The following IGFN1 variants were observed in gnomAD, a reference collection of about 807,000 sequenced individuals.
The protein encoded by IGFN1 is immunoglobulin-like and fibronectin type III domain-containing protein 1.
A neutral mutation model predicts 289.5 loss-of-function variants in IGFN1; 253 were observed. That is an observed-to-expected ratio of 0.87 (90% CI 0.79 to 0.97). The LOEUF is 0.97. IGFN1 is among the 50% of genes least tolerant of loss of function. IGFN1 has a pLI of 0.00. For synonymous variants in IGFN1, 1,706 were observed against 1,788.5 expected, an observed-to-expected ratio of 0.95 and a Z score of 1.16; for missense variants, 4,470 against 4,686.1, an observed-to-expected ratio of 0.95 and a Z score of 1.35.
Position 201,221,646 on chromosome 1 carries a change from G to A in IGFN1, c.10101G>A (p.Arg3367=), listed in dbSNP as rs145906767. ...CCACCTACACGGCCAAGGGGCTTCGGCCTGGAGAGGGCTACTTCGTGCGGG... is the reference window on the plus strand; with the variant it reads ...CCACCTACACGGCCAAGGGGCTTCGACCTGGAGAGGGCTACTTCGTGCGGG... ...PVTTYTAKGL[R]PGEGYFVRVT... Residue 3367 remains arginine, a synonymous_variant, in exon 19 of 24, where the codon CGG becomes CGA. Transcript: ENST00000335211. 6.0e-4 allele frequency: 975 copies of A among 1,614,102 alleles called. 1 individual carries two copies. Among genetic ancestry groups the A allele is most frequent in the Non-Finnish European group, 6.6e-4 (779 of 1,180,036 alleles).
Position 201,212,430 on chromosome 1 carries a change from G to A in IGFN1, c.7537G>A (p.Asp2513Asn), listed in dbSNP as rs893540051. ...AGACAGAGGGGCTCCCAGGGTGAAG[G>A]ATAGGTCTCCAGACCAAGCAGGGAT... is the stretch of plus-strand genomic sequence containing the variant. ...SRDRGAPRVK[D>N]RSPDQAGIMG... is the part of the protein sequence containing the mutation. The change falls in exon 12 of 24, where the codon GAT becomes AAT. Residue 2513 changes from aspartate (D) to asparagine (N), a missense_variant. By Grantham distance (23) the Asp-to-Asn change is conservative. Coordinates refer to ENST00000335211, the MANE Select transcript of IGFN1 (RefSeq NM_001164586.2). The A allele has an allele frequency of 5.2e-6, 8 of 1,537,186 alleles. No homozygotes were observed. The highest frequency in any genetic ancestry group is 7.0e-6 in the Non-Finnish European group (8 of 1,146,824).
Position 201,228,400 on chromosome 1 carries a change from C to G in IGFN1, c.*1C>G. ...GTGTCTTGCAGAACCCAGCACCTAGCCTCACCTCACCCTGGGATGGTCCTG... is the reference window on the plus strand; with the variant it reads ...GTGTCTTGCAGAACCCAGCACCTAGGCTCACCTCACCCTGGGATGGTCCTG... On this transcript the variant is annotated 3_prime_UTR_variant, in exon 24 of 24. Transcript: ENST00000335211. 2 of 1,613,960 alleles carry G rather than the reference C, an allele frequency of 1.2e-6. No individual in the cohort carries two copies. The highest frequency in any genetic ancestry group is 2.2e-5 in the South Asian group (2 of 91,088).
chr1:201,224,728 C>T lies in IGFN1; in HGVS notation c.10340C>T (p.Pro3447Leu), dbSNP rs773747563. Residue 3447 changes from proline to leucine, a missense_variant, in exon 21 of 24, where the codon CCC becomes CTC. Physicochemically the swap from Pro to Leu is moderately conservative, Grantham distance 98 (BLOSUM62 -3). Transcript: ENST00000335211. ...VTWLKDGLPL[P>L]KRSVTVTKDG... The stretch of plus-strand genomic sequence containing the variant: ...TGGCTGAAGGATGGCTTGCCCTTGC[C>T]CAAAAGAAGTGTGACTGTCACTAAG... 2.8e-5 allele frequency: 46 copies of T among 1,614,044 alleles called. No individual in the cohort carries two copies. The highest frequency in any genetic ancestry group is 5.9e-6 in the Non-Finnish European group (7 of 1,180,044).
chr1:201,194,088 T>C, intron 2 of IGFN1, 66 bp from the exon 3 acceptor site: 2 of 1,527,916 alleles, frequency 1.3e-6, no homozygotes, highest in Non-Finnish European at 1.8e-6. Context: ...ATGCCCATTC[T>C]GTTGAAGGGC....
In IGFN1 at chr1:201,200,585, G is replaced by A. The variant is rs559943886; in HGVS notation, c.633+174G>A. ...ATCTGGCTAAGGCCCTGGGATCCCA[G>A]GTTGGTGTCCTGCCTTTGCAACCTG... is the stretch of plus-strand genomic sequence containing the variant. On this transcript the variant is annotated intron_variant, in intron 8 of 23. Transcript: ENST00000335211. Among the ~76,000 whole-genome samples, 111 of 152,290 alleles carry A rather than the reference G, an allele frequency of 7.3e-4. 3 individuals are homozygous for A. The highest frequency in any genetic ancestry group is 2.5e-3 in the African/African-American group (103 of 41,554).
In IGFN1 at chr1:201,206,627, G is replaced by C. The variant is rs1194959639; in HGVS notation, c.1734G>C (p.Lys578Asn). 3.9e-6 allele frequency: 6 copies of C among 1,541,116 alleles called. No homozygotes were observed. In the South Asian group the frequency reaches 7.1e-5, roughly 18 times the overall value. The change falls in exon 12 of 24, where the codon AAG (lysine) becomes AAC (asparagine). Residue 578 changes from lysine to asparagine, a missense_variant. By Grantham distance (94) the Lys-to-Asn change is moderately conservative. Coordinates refer to ENST00000335211, the MANE Select transcript of IGFN1 (RefSeq NM_001164586.2). ...GACTGGGGAGCAGCAGGGAAGGAAAGGAGCACAGAGGGGACAGTGGAAGAC... is the reference window on the plus strand; with the variant it reads ...GACTGGGGAGCAGCAGGGAAGGAAACGAGCACAGAGGGGACAGTGGAAGAC... ...AGGLGSSREG[K>N]EHRGDSGRQL... is the part of the protein sequence containing the mutation.
chr1:201,219,179 G>C (rs1402738186), intron 18 of IGFN1, among the ~76,000 whole-genome samples: 1 of 152,230 alleles, frequency 6.6e-6, no homozygotes, highest in African/African-American at 2.4e-5. Context: ...ACTCACCCTA[G>C]TGTTGCCCAT....
rs1170543036 is a variant in IGFN1 at position 201,209,878 on chromosome 1, G to C, written c.4985G>C (p.Ser1662Thr). 5 of 1,480,378 alleles carry C rather than the reference G, an allele frequency of 3.4e-6. No homozygotes were observed. Among genetic ancestry groups the C allele is most frequent in the Non-Finnish European group, 3.6e-6 (4 of 1,105,824 alleles). The allele number at this position is 1,480,378 out of a possible 1,614,324, so 91.7% of individuals were successfully genotyped here. ...SKAGFRDGLGSSGEMGSMDEA... is the reference protein window; with the variant it reads ...SKAGFRDGLGTSGEMGSMDEA... ...GCAGGTTTTAGGGATGGTTTAGGGA[G>C]TTCTGGGGAAATGGGGTCAATGGAT... is the stretch of plus-strand genomic sequence containing the variant. The change falls in exon 12 of 24, where the codon AGT becomes ACT. Residue 1662 changes from serine (S) to threonine (T), a missense_variant. Transcript: ENST00000335211.
At chr1:201,196,504 C>T (rs889831102) in intron 4 of IGFN1, among the ~76,000 whole-genome samples, 1 of 152,072 alleles carries the variant, frequency 6.6e-6, no homozygotes, top group Non-Finnish European at 1.5e-5. Context: ...GCCATCACGC[C>T]CGACTAATTT....
intron 1 of IGFN1, among the ~76,000 whole-genome samples, chr1:201,192,557 C>T (rs141763251): frequency 6.6e-6 from 1 of 152,324 alleles, no homozygotes; most frequent in African/African-American, 2.4e-5. Context: ...CACTATAATT[C>T]ACTGGCTTCT....
At chr1:201,205,990 G>T in intron 11 of IGFN1, 93 bp from the exon 12 acceptor site, 1 of 924,810 alleles carries the variant, frequency 1.1e-6, no homozygotes, top group Non-Finnish European at 1.7e-6. Flanking sequence ...GGCTCAGGCA[G>T]GTGCTTTGGC....
At chr1:201,196,099 C>G in intron 4 of IGFN1, 121 bp downstream of exon 4, 5 of 967,916 alleles carry the variant, frequency 5.2e-6, no homozygotes, top group Non-Finnish European at 7.3e-6. Context: ...GAGGTTGAAT[C>G]CATTCAACTC....
At chr1:201,216,379 G>T (rs567303385) in intron 15 of IGFN1, 75 bp from the exon 16 acceptor site, 6 of 1,224,742 alleles carry the variant, frequency 4.9e-6, no homozygotes, top group Non-Finnish European at 6.5e-6. Context: ...GTGGCGGGGA[G>T]TTGGGGGGGT....
At position 201,214,970 on chromosome 1, in the gene IGFN1, A is replaced by G. The variant is rs565185099; in HGVS notation, c.8854-43A>G. 11 of 1,596,546 alleles carry G rather than the reference A, an allele frequency of 6.9e-6. No individual in the cohort carries two copies. In the East Asian group the frequency reaches 1.1e-4, roughly 16 times the overall value. ...GGTTAGCTGGCCTGAAGGAACTGGGATGGGAGTGGGGTGACCTTCTCCTGC... is the reference window on the plus strand; with the variant it reads ...GGTTAGCTGGCCTGAAGGAACTGGGGTGGGAGTGGGGTGACCTTCTCCTGC... On this transcript the variant is annotated intron_variant, in intron 13 of 23. Coordinates refer to ENST00000335211, the MANE Select transcript of IGFN1 (RefSeq NM_001164586.2).
rs1456536673 is a variant in IGFN1, at chr1:201,228,526, T to C, written c.*127T>C. Reference sequence around the variant, plus strand: ...CCCCAGGAAAATGGGAGTGAGAAGATGCCTGGCGAGGTTTTGGCCAGGAGG... The same window carrying C: ...CCCCAGGAAAATGGGAGTGAGAAGACGCCTGGCGAGGTTTTGGCCAGGAGG... On this transcript the variant is annotated 3_prime_UTR_variant, in exon 24 of 24. Transcript: ENST00000335211. The C allele has an allele frequency of 1.0e-5, 11 of 1,063,514 alleles. No individual in the cohort carries two copies. Among genetic ancestry groups the C allele is most frequent in the Non-Finnish European group, 1.6e-5 (11 of 683,382 alleles). The allele number at this position is 1,063,514 out of a possible 1,614,324, so 65.9% of individuals were successfully genotyped here.
chr1:201,223,427 G>A (rs1653874772), intron 20 of IGFN1, among the ~76,000 whole-genome samples: 1 of 151,948 alleles, frequency 6.6e-6, no homozygotes. Flanking sequence ...CTGGAGTGCA[G>A]TGGCACGATC....
At position 201,208,106 on chromosome 1, in the gene IGFN1, C is replaced by T; in HGVS notation, c.3213C>T (p.His1071=). ...CAGGCATGGACCCTAGGGGAGGGCA[C>T]CATTCAGATGGTGGCCTAGGGAGTC... ...CQAGMDPRGG[H]HSDGGLGSPG... The change falls in exon 12 of 24, where the codon CAC becomes CAT. Residue 1071 remains histidine (H), a synonymous_variant. Transcript: ENST00000335211. The T allele has an allele frequency of 6.5e-7, 1 of 1,536,856 alleles. No individual in the cohort carries two copies.
At position 201,192,121 on chromosome 1, in the gene IGFN1, C is replaced by A. The variant is rs1034814984; in HGVS notation, c.-47-1126C>A. On this transcript the variant is annotated intron_variant, in intron 1 of 23. Coordinates refer to ENST00000335211, the MANE Select transcript of IGFN1 (RefSeq NM_001164586.2). ...GTGCCTGTGGCACCCGTGACCACTC[C>A]AGAACGCAGTTGGCGTACCATGGCA... is the stretch of plus-strand genomic sequence containing the variant. Among the ~76,000 whole-genome samples the A allele has an allele frequency of 5.3e-5, 8 of 152,324 alleles. No homozygotes were observed. The East Asian group carries it at 1.5e-3, about 29-fold the overall frequency.
In IGFN1 at chr1:201,207,949, T is replaced by G. The variant is rs771286594; in HGVS notation, c.3056T>G (p.Val1019Gly). The change falls in exon 12 of 24, where the codon GTG becomes GGG. Residue 1019 changes from valine to glycine, a missense_variant. Val to Gly is a moderately radical substitution (Grantham distance 109, BLOSUM62 -3). Transcript: ENST00000335211. ...YRHGSGAPGGVWSGNEDSGPA... is the reference protein window; with the variant it reads ...YRHGSGAPGGGWSGNEDSGPA... ...CATGGCTCCGGAGCGCCTGGGGGAG[T>G]GTGGTCTGGAAATGAAGATTCTGGC... 162 of 1,533,878 alleles carry G rather than the reference T, an allele frequency of 1.1e-4. 1 individual carries two copies. The Middle Eastern group carries it at 2.2e-3, about 21-fold the overall frequency.
Sources: allele counts gnomAD v4.1 joint callset (sites outside exome capture counted in the v4.1 genomes callset), GRCh38; gene constraint gnomAD v4.1.1; transcripts MANE v1.5; gene names NCBI Gene and HGNC (gene_info 2026-07-23, HGNC 2026-07-21).